USP7: variants seen among roughly 807,000 people sequenced by gnomAD.
USP7 encodes the protein ubiquitin C-terminal hydrolase 7.
USP7 carries 9 observed loss-of-function variants against 162.9 expected under a neutral mutation model. The observed-to-expected ratio is 0.06, with a 90% confidence interval of 0.03 to 0.10. The LOEUF (loss-of-function observed/expected upper bound fraction) is 0.10, where lower values mean the gene tolerates loss of function less well. USP7 is among the 10% of genes least tolerant of loss of function. USP7 has a pLI of 1.00. For synonymous variants in USP7, 562 were observed against 475.9 expected, an observed-to-expected ratio of 1.18 and a Z score of -2.35; for missense variants, 715 against 1,373.7, an observed-to-expected ratio of 0.52 and a Z score of 7.58.
chr16:8,898,123 G>A (rs35830769), intron 25 of USP7, among the ~76,000 whole-genome samples: 1 of 152,166 alleles, frequency 6.6e-6, no homozygotes, highest in African/African-American at 2.4e-5. Context: ...GTGGGACCCA[G>A]AAGGGAAGGG....
intron 15 of USP7, among the ~76,000 whole-genome samples, chr16:8,903,894 A>G (rs1359618170): frequency 6.6e-6 from 1 of 152,006 alleles, no homozygotes; most frequent in Non-Finnish European, 1.5e-5. Context: ...GAAAAGAAAA[A>G]AGAAAAGGAG....
chr16:8,923,083 G>A, intron 3 of USP7, 132 bp downstream of exon 3: 1 of 669,420 alleles, frequency 1.5e-6, no homozygotes, highest in Non-Finnish European at 2.5e-6. Context: ...ACATATACCA[G>A]TGGGTTTTAA....
chr16:8,900,199 C>T (rs1414636362), intron 21 of USP7: 2 of 321,826 alleles, frequency 6.2e-6, no homozygotes, highest in Admixed American at 9.5e-5. Flanking sequence ...TGAAGACAGA[C>T]TGAAATGAAT....
At position 8,894,530 on chromosome 16, in the gene USP7, G is replaced by GT. The variant is rs532994706; in HGVS notation, c.3202+19_3202+20insA. ...TAGTCTGAAACCCACACCAGCCCCC[G>GT]GGGGGGGGAGAACCCTTACCGGGCT... is the stretch of plus-strand genomic sequence containing the variant. On this transcript the variant is annotated intron_variant, in intron 30 of 30. Transcript: ENST00000344836. The GT allele has an allele frequency of 1.9e-6, 1 of 524,288 alleles. No individual in the cohort carries two copies. Among genetic ancestry groups the GT allele is most frequent in the African/African-American group, 3.7e-5 (1 of 27,000 alleles). The allele number at this position is 524,288 out of a possible 1,614,324, so 32.5% of individuals were successfully genotyped here.
intron 1 of USP7, among the ~76,000 whole-genome samples, chr16:8,951,752 C>T (rs1217073611): frequency 1.3e-5 from 2 of 152,234 alleles, no homozygotes; most frequent in Admixed American, 6.5e-5. Flanking sequence ...CACTCAGATA[C>T]ATACAGCCCA....
intron 1 of USP7, chr16:8,956,367 C>T (rs1899799387): frequency 6.6e-6 from 1 of 152,240 alleles, no homozygotes; most frequent in Non-Finnish European, 1.5e-5. Context: ...GTTAAAGCTC[C>T]TGGCAGATAA....
chr16:8,895,235 A>C, intron 27 of USP7, 85 bp from the exon 28 acceptor site: 1 of 1,594,806 alleles, frequency 6.3e-7, no homozygotes, highest in Non-Finnish European at 8.6e-7. Flanking sequence ...CACTACTCTA[A>C]CCCGGAGGGT....
chr16:8,961,094 T>G (rs1899987799), intron 1 of USP7, among the ~76,000 whole-genome samples: 1 of 152,140 alleles, frequency 6.6e-6, no homozygotes, highest in Non-Finnish European at 1.5e-5. Flanking sequence ...TAATACAAAC[T>G]GTAATATGAA....
intron 3 of USP7, among the ~76,000 whole-genome samples, chr16:8,922,180 C>G (rs937691596): frequency 7.9e-5 from 12 of 152,190 alleles, no homozygotes; most frequent in African/African-American, 2.7e-4. Flanking sequence ...ATAAAATTAC[C>G]TTAAACATTA....
Position 8,910,793 on chromosome 16 carries a change from T to C in USP7, c.1113A>G (p.Glu371=), listed in dbSNP as rs923187694. ...FESFVDYVAV[E]QLDGDNKYDA... ...CGTATTTATTGTCCCCATCGAGCTG[T>C]TCTACTGCCACATAATCCACAAATG... The change falls in exon 11 of 31, where the codon GAA becomes GAG. Residue 371 remains glutamate, a synonymous_variant. Transcript: ENST00000344836. 3.1e-6 allele frequency: 5 copies of C among 1,614,014 alleles called. No homozygotes were observed. Among genetic ancestry groups the C allele is most frequent in the African/African-American group, 2.7e-5 (2 of 74,924 alleles).
intron 10 of USP7, among the ~76,000 whole-genome samples, chr16:8,912,452 AAAAAAAAAAAG>A (rs2061962188): frequency 6.6e-6 from 1 of 151,200 alleles, no homozygotes; most frequent in African/African-American, 2.4e-5. Flanking sequence ...TCCATGTCAA[AAAAAAAAAAAG>A]AAAGAAAAAA....
chr16:8,962,835 C>T (rs1900072454), intron 1 of USP7: 2 of 156,072 alleles, frequency 1.3e-5, no homozygotes, highest in Non-Finnish European at 2.8e-5. Context: ...CCCAGCCACA[C>T]CAGATCCAAC....
At chr16:8,927,881 A>T (rs1466259797) in intron 2 of USP7, among the ~76,000 whole-genome samples, 1 of 152,192 alleles carries the variant, frequency 6.6e-6, no homozygotes, top group Non-Finnish European at 1.5e-5. Flanking sequence ...GCAATGGGTC[A>T]TGCCTATAAT....
chr16:8,921,025 C>G, intron 4 of USP7, 132 bp downstream of exon 4: 1 of 1,035,200 alleles, frequency 9.7e-7, no homozygotes, highest in Non-Finnish European at 1.3e-6. Context: ...AACATGTTTT[C>G]AAAGACACTT....
rs781247345 is a variant in USP7, at chr16:8,919,036, G to T, written c.715C>A (p.Arg239=). 2 of 1,613,476 alleles carry T rather than the reference G, an allele frequency of 1.2e-6. No homozygotes were observed. Among genetic ancestry groups the T allele is most frequent in the Non-Finnish European group, 1.7e-6 (2 of 1,179,982 alleles). ...GAGGAACACTATCCATTTACCTTTCGTAGCTGATTCGTGAAAAATAACGTC... is the reference window on the plus strand; with the variant it reads ...GAGGAACACTATCCATTTACCTTTCTTAGCTGATTCGTGAAAAATAACGTC... The part of the protein sequence containing the change: ...LQTLFFTNQL[R]KAVYMMPTEG... Residue 239 remains arginine, a synonymous_variant, in exon 6 of 31, where the codon CGA becomes AGA. Transcript: ENST00000344836.
chr16:8,909,915 G>T (rs1395997221), intron 11 of USP7, among the ~76,000 whole-genome samples: 1 of 152,000 alleles, frequency 6.6e-6, no homozygotes, highest in Non-Finnish European at 1.5e-5. Context: ...AACAGACCGA[G>T]TCTCCGTCTC....
chr16:8,917,293 A>ACGAT (rs778434797), intron 6 of USP7, 137 bp from the exon 7 acceptor site: 111 of 1,030,408 alleles, frequency 1.1e-4, no homozygotes, highest in Admixed American at 5.5e-4. Flanking sequence ...AGGGCTTTTA[A>ACGAT]CGATCCCCAA....
At chr16:8,956,827 G>T (rs1309802521) in intron 1 of USP7, among the ~76,000 whole-genome samples, 1 of 151,702 alleles carries the variant, frequency 6.6e-6, no homozygotes, top group African/African-American at 2.4e-5. Flanking sequence ...GCACAGGATA[G>T]TAAGAGCCCA....
chr16:8,901,306 A>C, intron 18 of USP7, 72 bp from the exon 19 acceptor site: 8 of 1,021,038 alleles, frequency 7.8e-6, no homozygotes, highest in South Asian at 1.4e-5. Context: ...AAAAAAACAA[A>C]CAAACAAAAA....
Sources: allele counts gnomAD v4.1 joint callset (sites outside exome capture counted in the v4.1 genomes callset), GRCh38; gene constraint gnomAD v4.1.1; transcripts MANE v1.5; gene names NCBI Gene and HGNC (gene_info 2026-07-23, HGNC 2026-07-21).